The following AGBL1 variants were observed in gnomAD, a reference collection of about 807,000 sequenced individuals.
AGBL1 encodes cytosolic carboxypeptidase 4.
A neutral mutation model predicts 118.9 loss-of-function variants in AGBL1; 130 were observed. That is an observed-to-expected ratio of 1.09 (90% CI 0.95 to 1.26). The LOEUF is 1.26. Ranked by LOEUF, AGBL1 falls within the 50% of genes most tolerant of loss-of-function variation. The pLI, the probability that AGBL1 is intolerant of heterozygous loss-of-function variation, is 0.00. For synonymous variants in AGBL1, 555 were observed against 478.9 expected (o/e 1.16, Z -2.08); for missense variants, 1,584 against 1,298.1 (o/e 1.22, Z -3.38).
At position 86,247,858 on chromosome 15, in the gene AGBL1, G is replaced by T. The variant is rs2078747079; in HGVS notation, c.714G>T (p.Glu238Asp). The T allele has an allele frequency of 6.2e-7, 1 of 1,613,818 alleles. No individual in the cohort carries two copies. Among genetic ancestry groups the T allele is most frequent in the African/African-American group, 1.3e-5 (1 of 74,952 alleles). Reference sequence around the variant, plus strand: ...CCTTCCTGGCAGCACAGGGCATGGAGATCCTCTTCAGCACCACACAGGCAG... The same window carrying T: ...CCTTCCTGGCAGCACAGGGCATGGATATCCTCTTCAGCACCACACAGGCAG... ...REAFLAAQGM[E>D]ILFSTTQNCL... is the part of the protein sequence containing the mutation. Residue 238 changes from glutamate to aspartate, a missense_variant, in exon 7 of 23, where the codon GAG becomes GAT. Physicochemically the swap from Glu to Asp is conservative, Grantham distance 45. Transcript: ENST00000614907.
At chr15:86,297,745 G>A (rs1401839377) in intron 17 of AGBL1, among the ~76,000 whole-genome samples, 1 of 152,132 alleles carries the variant, frequency 6.6e-6, no homozygotes, top group Non-Finnish European at 1.5e-5. Context: ...TTTTACAGAT[G>A]GGGTAAGTGG....
intron 18 of AGBL1, among the ~76,000 whole-genome samples, chr15:86,514,406 T>G (rs912023576): frequency 1.3e-5 from 2 of 152,148 alleles, no homozygotes; most frequent in Non-Finnish European, 2.9e-5. Context: ...AATTTGTGTA[T>G]TGTTCTTTTT....
chr15:86,929,684 T>G (rs2080582705), intron 23 of AGBL1, among the ~76,000 whole-genome samples: 1 of 152,232 alleles, frequency 6.6e-6, no homozygotes, highest in South Asian at 2.1e-4. Flanking sequence ...GCACTATCCA[T>G]CAGCCTGGTG....
intron 22 of AGBL1, among the ~76,000 whole-genome samples, chr15:86,780,558 G>A (rs2078321369): frequency 6.6e-6 from 1 of 151,986 alleles, no homozygotes; most frequent in Non-Finnish European, 1.5e-5. Flanking sequence ...CATTGAGTCA[G>A]TAGATCAATT....
At chr15:86,688,574 AG>A (rs967294903) in intron 22 of AGBL1, among the ~76,000 whole-genome samples, 1 of 152,190 alleles carries the variant, frequency 6.6e-6, no homozygotes, top group Non-Finnish European at 1.5e-5. Context: ...AGATGTCAGG[AG>A]GGCATGGGAT....
chr15:86,434,541 G>T (rs2081976698), intron 18 of AGBL1, among the ~76,000 whole-genome samples: 2 of 152,158 alleles, frequency 1.3e-5, no homozygotes, highest in Non-Finnish European at 2.9e-5. Flanking sequence ...ATGTTAAGAG[G>T]ATCATAAAAG....
chr15:86,931,399 A>G (rs914813309), intron 23 of AGBL1, among the ~76,000 whole-genome samples: 1 of 152,162 alleles, frequency 6.6e-6, no homozygotes, highest in Non-Finnish European at 1.5e-5. Flanking sequence ...GGCGCCTTGC[A>G]GATAAACACC....
At chr15:86,451,637 A>C (rs2082194475) in intron 18 of AGBL1, among the ~76,000 whole-genome samples, 1 of 152,196 alleles carries the variant, frequency 6.6e-6, no homozygotes, top group Non-Finnish European at 1.5e-5. Flanking sequence ...ACCTACCAAA[A>C]GGAGAAATGA....
intron 23 of AGBL1, among the ~76,000 whole-genome samples, chr15:86,923,814 T>C (rs564796511): frequency 2.6e-5 from 4 of 152,198 alleles, no homozygotes; most frequent in Non-Finnish European, 5.9e-5. Context: ...AACTACCTAA[T>C]TGAGGATTAA....
chr15:86,111,949 C>T (rs79944030), intron 1 of AGBL1, among the ~76,000 whole-genome samples: 3,590 of 152,236 alleles, frequency 0.024, 146 homozygotes, highest in African/African-American at 0.076. Flanking sequence ...CGAGCCCTGT[C>T]GTGAACTGCG....
chr15:86,576,091 A>G (rs1361143318), intron 21 of AGBL1, among the ~76,000 whole-genome samples: 1 of 152,240 alleles, frequency 6.6e-6, no homozygotes, highest in Non-Finnish European at 1.5e-5. Context: ...TAATATTTAC[A>G]TGGACTTTAG....
At chr15:86,391,017 T>C (rs1037372988) in intron 17 of AGBL1, among the ~76,000 whole-genome samples, 1 of 121,044 alleles carries the variant, frequency 8.3e-6, no homozygotes, top group Non-Finnish European at 1.8e-5. Flanking sequence ...ACTATGGTGA[T>C]AAAAAAAAAA....
At chr15:86,661,606 G>A (rs1330775616) in intron 21 of AGBL1, among the ~76,000 whole-genome samples, 4 of 151,856 alleles carry the variant, frequency 2.6e-5, no homozygotes, top group South Asian at 2.1e-4. Flanking sequence ...AGACACCCAC[G>A]CACAAATTTA....
intron 22 of AGBL1, among the ~76,000 whole-genome samples, chr15:86,825,898 TAGATAGATAGATAGATA>T (rs1567193351): frequency 6.7e-5 from 3 of 44,570 alleles, no homozygotes; most frequent in South Asian, 6.3e-4. Flanking sequence ...GATAGATAGA[TAGATAGATAGATAGATA>T]GATAGATAGA....
intron 21 of AGBL1, among the ~76,000 whole-genome samples, chr15:86,589,212 G>A (rs940489930): frequency 3.9e-5 from 6 of 152,012 alleles, no homozygotes; most frequent in African/African-American, 1.4e-4. Context: ...CTCACAGGTT[G>A]GTAAGAATTT....
At chr15:86,236,932 C>CGT (rs2078554796) in intron 6 of AGBL1, among the ~76,000 whole-genome samples, 1 of 9,386 alleles carries the variant, frequency 1.1e-4, no homozygotes, top group Admixed American at 1.1e-3. Context: ...GATATGTGGG[C>CGT]GGGGGGGGGC....
intron 23 of AGBL1, among the ~76,000 whole-genome samples, chr15:86,963,893 T>G (rs2081019311): frequency 6.6e-6 from 1 of 151,932 alleles, no homozygotes; most frequent in Non-Finnish European, 1.5e-5. Context: ...AAGCCAGAGA[T>G]AAGAGATCTT....
At chr15:86,357,774 A>G (rs1346235118) in intron 17 of AGBL1, among the ~76,000 whole-genome samples, 1 of 152,136 alleles carries the variant, frequency 6.6e-6, no homozygotes, top group Non-Finnish European at 1.5e-5. Context: ...CTTTCCATGA[A>G]GCAATAATTT....
chr15:86,660,357 T>A (rs1374471175), intron 21 of AGBL1, among the ~76,000 whole-genome samples: 1 of 152,026 alleles, frequency 6.6e-6, no homozygotes, highest in Non-Finnish European at 1.5e-5. Flanking sequence ...AACATACAAA[T>A]AAATAAATTT....
Sources: allele counts gnomAD v4.1 joint callset (sites outside exome capture counted in the v4.1 genomes callset), GRCh38; gene constraint gnomAD v4.1.1; transcripts MANE v1.5; gene names NCBI Gene and HGNC (gene_info 2026-07-23, HGNC 2026-07-21).